Variants in CCDC34 observed in about 807,000 individuals in gnomAD.
The protein encoded by CCDC34 is coiled-coil domain containing 34.
In CCDC34, 40 loss-of-function variants were observed where a neutral mutation model predicts 44.1. The observed-to-expected ratio is 0.91, with a 90% CI of 0.70 to 1.18. CCDC34 has a LOEUF of 1.18. Ranked by LOEUF, CCDC34 falls within the 50% of genes most tolerant of loss-of-function variation. The probability of loss-of-function intolerance (pLI) is 0.00; values close to 1 mark genes in which losing one functional copy is unlikely to be tolerated. For synonymous variants in CCDC34, 159 were observed against 158.2 expected (o/e 1.01, Z -0.04); for missense variants, 466 against 452.3 (o/e 1.03, Z -0.28).
intron 3 of CCDC34, among the ~76,000 whole-genome samples, chr11:27,347,721 A>G (rs1463381817): frequency 6.6e-6 from 1 of 152,046 alleles, no homozygotes; most frequent in African/African-American, 2.4e-5. Flanking sequence ...CTTGGAGCTG[A>G]GGCTGGCTGG....
At chr11:27,350,273 T>C (rs1022689662) in intron 3 of CCDC34, 59 bp downstream of exon 3, 1 of 1,611,092 alleles carries the variant, frequency 6.2e-7, no homozygotes, top group African/African-American at 1.3e-5. Flanking sequence ...TGAAGTATAA[T>C]AGGAAGAAAT....
intron 3 of CCDC34, among the ~76,000 whole-genome samples, chr11:27,343,544 A>G (rs1862393742): frequency 6.6e-6 from 1 of 152,184 alleles, no homozygotes; most frequent in African/African-American, 2.4e-5. Flanking sequence ...ACAATACTGG[A>G]TTTTAACTAC....
Position 27,338,975 on chromosome 11 carries a change from G to C in CCDC34, c.968C>G (p.Pro323Arg). 6.2e-7 allele frequency: 1 copy of C among 1,613,720 alleles called. No homozygotes were observed. The change falls in exon 6 of 6, where the codon CCA becomes CGA. Residue 323 changes from proline (P) to arginine (R), a missense_variant. Pro to Arg is a moderately radical substitution (Grantham distance 103). Coordinates refer to ENST00000328697, the MANE Select transcript of CCDC34 (RefSeq NM_030771.2). ...TTCTTTGGGAGGTGGCATATGAATT[G>C]GTTTCCACGGAATTGGATTATAAAA... ...PAFYNPIPWKPIHMPPPKEAK... is the reference protein window; with the variant it reads ...PAFYNPIPWKRIHMPPPKEAK...
intron 3 of CCDC34, chr11:27,349,128 T>C: frequency 1.0e-6 from 1 of 983,512 alleles, no homozygotes; most frequent in South Asian, 4.7e-5. Flanking sequence ...AGTTAGAAGA[T>C]AAGAAGGACT....
At chr11:27,356,634 G>C (rs2133348759) in intron 2 of CCDC34, among the ~76,000 whole-genome samples, 1 of 151,718 alleles carries the variant, frequency 6.6e-6, no homozygotes, top group East Asian at 1.9e-4. Context: ...GCCATGTTCT[G>C]AAACAGTAAG....
At chr11:27,344,681 G>A (rs944708098) in intron 3 of CCDC34, among the ~76,000 whole-genome samples, 2 of 151,860 alleles carry the variant, frequency 1.3e-5, no homozygotes, top group Non-Finnish European at 2.9e-5. Flanking sequence ...AGAAATTAAA[G>A]AAGACATAAA....
rs771754635 is a variant in CCDC34, at chr11:27,340,873, T to C, written c.766-36A>G. On this transcript the variant is annotated intron_variant, in intron 4 of 5. Coordinates refer to ENST00000328697, the MANE Select transcript of CCDC34 (RefSeq NM_030771.2). ...CAAGACCAAAATATTTCCAGGGATATTCTGTAACTATACATTCCATTCAAA... is the reference window on the plus strand; with the variant it reads ...CAAGACCAAAATATTTCCAGGGATACTCTGTAACTATACATTCCATTCAAA... 6.9e-6 allele frequency: 11 copies of C among 1,597,496 alleles called. No individual in the cohort carries two copies. The East Asian group carries it at 1.8e-4, about 26-fold the overall frequency.
intron 2 of CCDC34, among the ~76,000 whole-genome samples, chr11:27,355,414 TACTA>T (rs1231035883): frequency 3.3e-5 from 5 of 152,276 alleles, no homozygotes; most frequent in Admixed American, 6.5e-5. Flanking sequence ...TCTTAAAAGC[TACTA>T]ACTAAATAAT....
chr11:27,345,986 T>C (rs1056239782), intron 3 of CCDC34, among the ~76,000 whole-genome samples: 2 of 151,970 alleles, frequency 1.3e-5, no homozygotes, highest in Non-Finnish European at 2.9e-5. Flanking sequence ...TTCTAACTGG[T>C]GTGAGATGGT....
At chr11:27,341,822 G>T (rs1002592355) in intron 3 of CCDC34, among the ~76,000 whole-genome samples, 1 of 152,184 alleles carries the variant, frequency 6.6e-6, no homozygotes, top group African/African-American at 2.4e-5. Context: ...GCAGTACTGA[G>T]TGAAAAGCAG....
At chr11:27,350,541 G>A in intron 2 of CCDC34, 102 bp from the exon 3 acceptor site, 1 of 1,169,866 alleles carries the variant, frequency 8.5e-7, no homozygotes, top group Non-Finnish European at 1.2e-6. Context: ...CAAGAATATA[G>A]TTTCCTTTAT....
In CCDC34 at chr11:27,362,827, C is replaced by G. The variant is rs1012980727; in HGVS notation, c.359+9G>C. The G allele has an allele frequency of 2.5e-6, 4 of 1,611,040 alleles. No individual in the cohort carries two copies. Among genetic ancestry groups the G allele is most frequent in the Non-Finnish European group, 2.5e-6 (3 of 1,177,856 alleles). The stretch of plus-strand genomic sequence containing the variant: ...AAGGGCTGAATCGGCCGGGCGGCCT[C>G]GGGTTTACCTGGCGCACCCCTGTAA... On this transcript the variant is annotated intron_variant, in intron 1 of 5. Transcript: ENST00000328697.
intron 5 of CCDC34, among the ~76,000 whole-genome samples, chr11:27,339,649 AT>A (rs1862325740): frequency 6.6e-6 from 1 of 152,216 alleles, no homozygotes; most frequent in Non-Finnish European, 1.5e-5. Flanking sequence ...TTTACATATC[AT>A]CTCCAAATCC....
chr11:27,347,851 C>A (rs774380770), intron 3 of CCDC34, among the ~76,000 whole-genome samples: 3 of 151,992 alleles, frequency 2.0e-5, no homozygotes, highest in Non-Finnish European at 4.4e-5. Flanking sequence ...AGTCATCAAA[C>A]TTAAAATAGT....
chr11:27,347,250 T>C (rs184856021), intron 3 of CCDC34, among the ~76,000 whole-genome samples: 29 of 152,308 alleles, frequency 1.9e-4, no homozygotes, highest in Admixed American at 1.9e-3. Context: ...AACTTTCTTA[T>C]TATAATAGTA....
intron 2 of CCDC34, among the ~76,000 whole-genome samples, 199 bp from the exon 3 acceptor site, chr11:27,350,638 T>A (rs1469049901): frequency 2.6e-5 from 4 of 152,252 alleles, no homozygotes. Flanking sequence ...AGTCATTTTT[T>A]AGAAATGTGC....
At chr11:27,350,076 G>A in intron 3 of CCDC34, 1 of 1,343,078 alleles carries the variant, frequency 7.4e-7, no homozygotes, top group Non-Finnish European at 9.6e-7. Flanking sequence ...AAAAGGTCAG[G>A]CCTAGAAATA....
At chr11:27,340,935 C>A in intron 4 of CCDC34, 98 bp from the exon 5 acceptor site, 1 of 1,086,364 alleles carries the variant, frequency 9.2e-7, no homozygotes. Context: ...GCTTCCTACC[C>A]CAATGGCTTA....
intron 4 of CCDC34, among the ~76,000 whole-genome samples, 161 bp from the exon 5 acceptor site, chr11:27,340,998 G>A (rs1656551296): frequency 6.6e-6 from 1 of 151,846 alleles, no homozygotes; most frequent in Non-Finnish European, 1.5e-5. Context: ...TATTGAACAT[G>A]ATCATGGACA....
Sources: gnomAD v4.1 joint callset for allele counts (sites outside exome capture counted in the v4.1 genomes callset) on GRCh38, gnomAD v4.1.1 for gene constraint, MANE v1.5 for transcripts, NCBI Gene and HGNC (gene_info 2026-07-23, HGNC 2026-07-21) for gene names.